Variants in LPP observed in about 807,000 individuals in gnomAD.
LPP encodes the protein lipoma-preferred partner.
Under a neutral mutation model 60.4 loss-of-function variants are expected in LPP, and 38 were observed. The observed-to-expected ratio is 0.63, with a 90% CI of 0.49 to 0.83. LPP has a LOEUF of 0.83. Among genes scored for constraint, LPP ranks in the 40% least tolerant of loss-of-function variants. LPP has a pLI of 0.00. For missense variants in LPP, 902 were observed against 783.6 expected (o/e 1.15, Z -1.80); for synonymous variants, 328 against 290.8 (o/e 1.13, Z -1.30).
At chr3:188,344,906 CT>C (rs906059963) in intron 3 of LPP, among the ~76,000 whole-genome samples, 69 of 152,174 alleles carry the variant, frequency 4.5e-4, no homozygotes, top group Admixed American at 1.0e-3. Flanking sequence ...AACTTCCCCC[CT>C]ATTAAGACCG....
At chr3:188,293,329 A>G (rs905485460) in intron 2 of LPP, among the ~76,000 whole-genome samples, 1 of 152,242 alleles carries the variant, frequency 6.6e-6, no homozygotes, top group Non-Finnish European at 1.5e-5. Flanking sequence ...CTCTGTAACT[A>G]TGGCTCCTAA....
chr3:188,344,740 T>C (rs982539565), intron 3 of LPP, among the ~76,000 whole-genome samples: 3 of 152,184 alleles, frequency 2.0e-5, no homozygotes, highest in African/African-American at 7.2e-5. Context: ...ACTTTTATTA[T>C]ATATACTGTA....
At chr3:188,602,667 CTT>C (rs377405116) in intron 6 of LPP, among the ~76,000 whole-genome samples, 1 of 146,418 alleles carries the variant, frequency 6.8e-6, no homozygotes, top group Non-Finnish European at 1.5e-5. Flanking sequence ...CAGTGAAGCT[CTT>C]TTTTTTTCTC....
chr3:188,232,918 T>C (rs146498402), intron 2 of LPP, among the ~76,000 whole-genome samples: 32 of 151,818 alleles, frequency 2.1e-4, no homozygotes, highest in Admixed American at 6.6e-5. Context: ...AAAGTACCTA[T>C]TGAGTGTGGT....
intron 3 of LPP, among the ~76,000 whole-genome samples, chr3:188,371,733 C>A (rs1773309782): frequency 7.1e-6 from 1 of 139,930 alleles, no homozygotes; most frequent in South Asian, 2.4e-4. Context: ...CAACTCACCA[C>A]AACCTCTGCT....
intron 2 of LPP, among the ~76,000 whole-genome samples, chr3:188,282,768 C>G (rs560062706): frequency 1.2e-4 from 18 of 152,312 alleles, no homozygotes; most frequent in Admixed American, 9.8e-4. Flanking sequence ...TCAGAAACAT[C>G]TGACTTCACA....
At chr3:188,636,364 T>G (rs923516263) in intron 7 of LPP, among the ~76,000 whole-genome samples, 1 of 152,220 alleles carries the variant, frequency 6.6e-6, no homozygotes, top group South Asian at 2.1e-4. Flanking sequence ...TAAAAAACGG[T>G]GCACCACGAG....
At chr3:188,768,159 G>T (rs1734737569) in intron 9 of LPP, among the ~76,000 whole-genome samples, 1 of 152,112 alleles carries the variant, frequency 6.6e-6, no homozygotes, top group South Asian at 2.1e-4. Flanking sequence ...AAGACAGATG[G>T]AATGTGAAGC....
chr3:188,559,620 GAAGAC>G (rs1170916941), intron 6 of LPP, among the ~76,000 whole-genome samples: 1 of 151,948 alleles, frequency 6.6e-6, no homozygotes, highest in Non-Finnish European at 1.5e-5. Context: ...CTCAAGGCAG[GAAGAC>G]AAGACCTGAT....
At chr3:188,868,459 A>G (rs997776082) in intron 10 of LPP, among the ~76,000 whole-genome samples, 1 of 152,210 alleles carries the variant, frequency 6.6e-6, no homozygotes, top group Non-Finnish European at 1.5e-5. Flanking sequence ...AAAAAATTAA[A>G]ACCCCCAGAT....
intron 11 of LPP, 93 bp downstream of exon 11, chr3:188,872,856 C>T: frequency 6.5e-7 from 1 of 1,532,630 alleles, no homozygotes; most frequent in Non-Finnish European, 8.9e-7. Context: ...TACTAAATCT[C>T]AGAACGGCCT....
At chr3:188,789,098 G>A (rs970605717) in intron 9 of LPP, among the ~76,000 whole-genome samples, 1 of 147,594 alleles carries the variant, frequency 6.8e-6, no homozygotes, top group African/African-American at 2.5e-5. Context: ...TTGTTGTTGG[G>A]TTTTTTTTTT....
rs575946903 is a variant in LPP, at chr3:188,511,754, T to A, written c.307-12911T>A. 8.6e-4 allele frequency among the ~76,000 whole-genome samples: 131 copies of A among 152,234 alleles called. 1 individual carries two copies. The highest frequency in any genetic ancestry group is 3.0e-3 in the African/African-American group (123 of 41,568). On this transcript the variant is annotated intron_variant, in intron 5 of 11. Transcript: ENST00000617246. ...CTCTAGGATTGCTGGAATAGCTCGA[T>A]GAGATCGTATATATGAAAATGCTTT... is the stretch of plus-strand genomic sequence containing the variant.
At chr3:188,517,800 G>A (rs7615852) in intron 5 of LPP, among the ~76,000 whole-genome samples, 4,680 of 152,156 alleles carry the variant, frequency 0.031, 261 homozygotes, top group African/African-American at 0.11. Context: ...TCTCCCCCTT[G>A]TTCCTTCCCA....
Position 188,884,247 on chromosome 3 carries a change from C to T in LPP, c.*9768C>T. On this transcript the variant is annotated 3_prime_UTR_variant, in exon 12 of 12. Transcript: ENST00000617246. ...AAGCTGTGACATAGCTGGGAAGTGG[C>T]AGATTTGGGGATATAACCAGGTCTT... is the stretch of plus-strand genomic sequence containing the variant. 4.4e-6 allele frequency: 1 copy of T among 229,744 alleles called. No homozygotes were observed. The highest frequency in any genetic ancestry group is 8.6e-6 in the Non-Finnish European group (1 of 115,916). The allele number at this position is 229,744 out of a possible 1,614,324, so 14.2% of individuals were successfully genotyped here.
chr3:188,669,745 C>G (rs1369441474), intron 7 of LPP, among the ~76,000 whole-genome samples: 1 of 152,084 alleles, frequency 6.6e-6, no homozygotes, highest in African/African-American at 2.4e-5. Flanking sequence ...CCCAGCCATC[C>G]CATTACTGGG....
chr3:188,545,569 T>C (rs1826410855), intron 6 of LPP, among the ~76,000 whole-genome samples: 1 of 152,090 alleles, frequency 6.6e-6, no homozygotes, highest in Non-Finnish European at 1.5e-5. Flanking sequence ...CCCATGTGCC[T>C]CGATTTGGGT....
intron 4 of LPP, among the ~76,000 whole-genome samples, chr3:188,482,273 A>G (rs1231293075): frequency 1.1e-4 from 17 of 152,186 alleles, no homozygotes; most frequent in Non-Finnish European, 4.4e-5. Context: ...GCAGTTATTT[A>G]TAGCAGTGAG....
chr3:188,810,977 A>C (rs1475230429), intron 9 of LPP, among the ~76,000 whole-genome samples: 1 of 152,172 alleles, frequency 6.6e-6, no homozygotes, highest in East Asian at 1.9e-4. Flanking sequence ...TTCTATGAGC[A>C]CATGTCTTTT....
Sources: gnomAD v4.1 joint callset for allele counts (sites outside exome capture counted in the v4.1 genomes callset) on GRCh38, gnomAD v4.1.1 for gene constraint, MANE v1.5 for transcripts, NCBI Gene and HGNC (gene_info 2026-07-23, HGNC 2026-07-21) for gene names.